CYP3A7: variants seen among roughly 807,000 people sequenced by gnomAD.
CYP3A7 encodes cytochrome P450 family 3 subfamily A member 7.
In CYP3A7, 45 loss-of-function variants were observed where a neutral mutation model predicts 55.2. That is an observed-to-expected ratio of 0.82 (90% CI 0.64 to 1.05). The LOEUF is 1.05. Among genes scored for constraint, CYP3A7 ranks in the 50% least tolerant of loss-of-function variants. The pLI is 0.00. For synonymous variants in CYP3A7, 180 were observed against 207.4 expected (o/e 0.87, Z 1.13); for missense variants, 548 against 605.3 (o/e 0.91, Z 0.99).
At chr7:99,726,389 A>C (rs2151528112) in intron 2 of CYP3A7, among the ~76,000 whole-genome samples, 1 of 152,344 alleles carries the variant, frequency 6.6e-6, no homozygotes, top group East Asian at 1.9e-4. Context: ...GACAAGTCTT[A>C]CAGGTTTGTT....
rs577476945 is a variant in CYP3A7 at position 99,713,476 on chromosome 7, G to A, written c.858C>T (p.Thr286=). Residue 286 remains threonine (T), a synonymous_variant, in exon 9 of 13, where the codon ACC becomes ACT. Coordinates refer to ENST00000336374, the MANE Select transcript of CYP3A7 (RefSeq NM_000765.5). Reference sequence around the variant, plus strand: ...GAAGCACTCTTTTGTTACCTTTGTGGGTCTCAGAGTCTTTTGAATTCTGAG... The same window carrying A: ...GAAGCACTCTTTTGTTACCTTTGTGAGTCTCAGAGTCTTTTGAATTCTGAG... The part of the protein sequence containing the change: ...IDSQNSKDSE[T]HKALSDLELM... 126 of 1,613,328 alleles carry A rather than the reference G, an allele frequency of 7.8e-5. No individual in the cohort carries two copies. The South Asian group carries it at 1.2e-3, about 15-fold the overall frequency.
Position 99,722,350 on chromosome 7 carries a change from TG to T in CYP3A7, c.166-3del. 6.2e-7 allele frequency: 1 copy of T among 1,613,522 alleles called. No homozygotes were observed. ...TTCCATGTCAAACGTCCAATAGCCC[TG>T]GGAGGAGAAACAAAATAATATTTCA... On this transcript the variant is annotated splice_region_variant and splice_polypyrimidine_tract_variant and intron_variant, in intron 2 of 12. Transcript: ENST00000336374.
chr7:99,733,403 G>A (rs931497432), intron 1 of CYP3A7, among the ~76,000 whole-genome samples: 6 of 152,172 alleles, frequency 3.9e-5, no homozygotes, highest in Admixed American at 6.5e-5. Flanking sequence ...CTGTTTGGTA[G>A]AGTAATGCTG....
chr7:99,709,327 T>A, intron 10 of CYP3A7, 66 bp from the exon 11 acceptor site: 1 of 1,567,798 alleles, frequency 6.4e-7, no homozygotes, highest in South Asian at 1.2e-5. Flanking sequence ...TCAGTCCATG[T>A]AGTACTGTTG....
At chr7:99,707,154 T>C (rs1337634217) in intron 12 of CYP3A7, among the ~76,000 whole-genome samples, 1 of 152,086 alleles carries the variant, frequency 6.6e-6, no homozygotes, top group Admixed American at 6.6e-5. Context: ...GAGTTATAAT[T>C]GAGTTGAAAA....
intron 2 of CYP3A7, among the ~76,000 whole-genome samples, chr7:99,728,249 T>C (rs1814488294): frequency 6.6e-6 from 1 of 152,200 alleles, no homozygotes; most frequent in Middle Eastern, 3.2e-3. Context: ...TACAAGCAAC[T>C]AGCCCCCTCC....
chr7:99,720,335 T>A lies in CYP3A7; in HGVS notation c.296A>T (p.Tyr99Phe), dbSNP rs775331321. Reference protein sequence around the residue: ...MIKTVLVKECYSVFTNRRPFG... With the variant: ...MIKTVLVKECFSVFTNRRPFG... ...TACCCTCCGGTTTGTGAAGACAGAA[T>A]AACATTCTTTCACTAGCACTGTTTT... is the stretch of plus-strand genomic sequence containing the variant. Residue 99 changes from tyrosine to phenylalanine, a missense_variant, in exon 4 of 13, where the codon TAT becomes TTT. Physicochemically the swap from Tyr to Phe is conservative, Grantham distance 22. Coordinates refer to ENST00000336374, the MANE Select transcript of CYP3A7 (RefSeq NM_000765.5). 11 of 1,613,436 alleles carry A rather than the reference T, an allele frequency of 6.8e-6. No individual in the cohort carries two copies. The Admixed American group carries it at 1.7e-4, about 24-fold the overall frequency.
chr7:99,713,659 G>T, intron 8 of CYP3A7, 124 bp from the exon 9 acceptor site: 1 of 1,311,280 alleles, frequency 7.6e-7, no homozygotes, highest in Non-Finnish European at 1.1e-6. Context: ...AATCTGATGG[G>T]TGTTGCCTGA....
At chr7:99,716,383 C>T (rs1225797398) in intron 6 of CYP3A7, among the ~76,000 whole-genome samples, 1 of 152,188 alleles carries the variant, frequency 6.6e-6, no homozygotes, top group Non-Finnish European at 1.5e-5. Context: ...TCCTGAGCTC[C>T]TAGAAATATC....
intron 2 of CYP3A7, among the ~76,000 whole-genome samples, chr7:99,724,099 C>G (rs1032905178): frequency 6.6e-6 from 1 of 152,188 alleles, no homozygotes; most frequent in African/African-American, 2.4e-5. Flanking sequence ...CATCTCCCCT[C>G]TCTCCATGTC....
At chr7:99,710,927 G>A in intron 9 of CYP3A7, 35 bp from the exon 10 acceptor site, 1 of 1,613,142 alleles carries the variant, frequency 6.2e-7, no homozygotes, top group Non-Finnish European at 8.5e-7. Context: ...AGGTAAATCA[G>A]GTCAATGTAG....
chr7:99,718,176 G>C (rs1266031725), intron 4 of CYP3A7, among the ~76,000 whole-genome samples: 1 of 152,118 alleles, frequency 6.6e-6, no homozygotes, highest in Non-Finnish European at 1.5e-5. Context: ...AATGTTAAAT[G>C]ATGAGTTAAT....
At chr7:99,731,784 T>A (rs1814636346) in intron 1 of CYP3A7, among the ~76,000 whole-genome samples, 1 of 152,140 alleles carries the variant, frequency 6.6e-6, no homozygotes, top group African/African-American at 2.4e-5. Context: ...GATTGACAAC[T>A]GTGCTCCAGG....
Position 99,715,895 on chromosome 7 carries a change from G to A in CYP3A7, c.533C>T (p.Ala178Val), listed in dbSNP as rs1009611909. 13 of 1,613,680 alleles carry A rather than the reference G, an allele frequency of 8.1e-6. No individual in the cohort carries two copies. The highest frequency in any genetic ancestry group is 1.1e-5 in the South Asian group (1 of 91,080). ...GCTAGTGATCACATCCATGCTGTAG[G>A]CCCCAAAGACGCTGAGTGGAGAAAG... is the stretch of plus-strand genomic sequence containing the variant. ...KPVTLKHVFG[A>V]YSMDVITSTS... The change falls in exon 7 of 13, where the codon GCC becomes GTC. Residue 178 changes from alanine (A) to valine (V), a missense_variant. Coordinates refer to ENST00000336374, the MANE Select transcript of CYP3A7 (RefSeq NM_000765.5).
In CYP3A7 at chr7:99,707,956, C is replaced by T; in HGVS notation, c.1272G>A (p.Lys424=). 1 of 1,613,774 alleles carries T rather than the reference C, an allele frequency of 6.2e-7. No homozygotes were observed. The highest frequency in any genetic ancestry group is 1.1e-5 in the South Asian group (1 of 91,078). ...TGTATATGTAAGGATCTATGTTGTC[C>T]TTGTTCTTTTTACTGAACCTGGTTC... is the stretch of plus-strand genomic sequence containing the variant. ...FLPERFSKKN[K]DNIDPYIYTP... The change falls in exon 12 of 13, where the codon AAG becomes AAA. Residue 424 remains lysine (K), a synonymous_variant. Coordinates refer to ENST00000336374, the MANE Select transcript of CYP3A7 (RefSeq NM_000765.5).
chr7:99,734,723 GC>G (rs991508572), intron 1 of CYP3A7, among the ~76,000 whole-genome samples: 3 of 151,188 alleles, frequency 2.0e-5, no homozygotes, highest in African/African-American at 7.3e-5. Context: ...CCAGGTTCAA[GC>G]AATTCTCCTG....
intron 1 of CYP3A7, among the ~76,000 whole-genome samples, chr7:99,732,106 T>A (rs551669451): frequency 2.6e-4 from 39 of 152,250 alleles, no homozygotes; most frequent in Non-Finnish European, 3.8e-4. Context: ...TGGTTGTATC[T>A]TAGAGGCAGT....
Position 99,707,934 on chromosome 7 carries a change from A to T in CYP3A7, c.1294T>A (p.Tyr432Asn). ...CTGGGTCCACTTCCAAAGGGTGTGT[A>T]TATGTAAGGATCTATGTTGTCCTTG... ...KNKDNIDPYI[Y>N]TPFGSGPRNC... The change falls in exon 12 of 13, where the codon TAC becomes AAC. Residue 432 changes from tyrosine (Y) to asparagine (N), a missense_variant. By Grantham distance (143) the Tyr-to-Asn change is moderately radical. Transcript: ENST00000336374. The T allele has an allele frequency of 6.2e-7, 1 of 1,613,974 alleles. No individual in the cohort carries two copies. Among genetic ancestry groups the T allele is most frequent in the Non-Finnish European group, 8.5e-7 (1 of 1,179,886 alleles).
chr7:99,706,336 C>T (rs59714023), intron 12 of CYP3A7, among the ~76,000 whole-genome samples: 2 of 152,294 alleles, frequency 1.3e-5, no homozygotes, highest in East Asian at 1.9e-4. Context: ...CAAGGGAGTA[C>T]CTTCCCCATC....
Sources: allele counts gnomAD v4.1 joint callset (sites outside exome capture counted in the v4.1 genomes callset), GRCh38; gene constraint gnomAD v4.1.1; transcripts MANE v1.5; gene names NCBI Gene and HGNC (gene_info 2026-07-23, HGNC 2026-07-21).